RFX6: variants seen among roughly 807,000 people sequenced by gnomAD.
RFX6 encodes regulatory factor X6, also known as DNA-binding protein RFX6.
Under a neutral mutation model 110.8 loss-of-function variants are expected in RFX6, and 50 were observed. That is an observed-to-expected ratio of 0.45 (90% CI 0.36 to 0.57). The LOEUF (loss-of-function observed/expected upper bound fraction) is 0.57, where lower values mean the gene tolerates loss of function less well. RFX6 is among the 20% of genes least tolerant of loss of function. The probability of loss-of-function intolerance (pLI) is 0.00; values close to 1 mark genes in which losing one functional copy is unlikely to be tolerated. For synonymous variants in RFX6, 383 were observed against 411.2 expected (o/e 0.93, Z 0.83); for missense variants, 990 against 1,127.0 (o/e 0.88, Z 1.74).
In RFX6 at chr6:116,920,297, T is replaced by C. The variant is rs1304181570; in HGVS notation, c.1183-13T>C. 6.2e-6 allele frequency: 10 copies of C among 1,605,950 alleles called. No homozygotes were observed. The highest frequency in any genetic ancestry group is 1.7e-4 in the Middle Eastern group (1 of 6,040). On this transcript the variant is annotated splice_polypyrimidine_tract_variant and intron_variant, in intron 11 of 18. Coordinates refer to ENST00000332958, the MANE Select transcript of RFX6 (RefSeq NM_173560.4). ...TGATATAGTGTAGTGTCTTCTTTAC[T>C]TTCTCTATGCAGATTGCCAGACCAG...
At chr6:116,926,677 C>G (rs1192173289) in intron 16 of RFX6, among the ~76,000 whole-genome samples, 1 of 151,970 alleles carries the variant, frequency 6.6e-6, no homozygotes, top group Non-Finnish European at 1.5e-5. Flanking sequence ...TTCTTTTTAC[C>G]CTAAAAATCA....
chr6:116,900,537 G>A (rs1775045562), intron 6 of RFX6, among the ~76,000 whole-genome samples: 1 of 151,996 alleles, frequency 6.6e-6, no homozygotes, highest in South Asian at 2.1e-4. Flanking sequence ...TGACAGGTGT[G>A]AGCCACCGTG....
At chr6:116,909,735 CTTTTTTTTTTTTT>C (rs59264999) in intron 6 of RFX6, among the ~76,000 whole-genome samples, 2 of 67,360 alleles carry the variant, frequency 3.0e-5, no homozygotes, top group East Asian at 5.1e-4. Flanking sequence ...TCATTTAAAT[CTTTTTTTTTTTTT>C]TTTTTTTTTT....
chr6:116,890,000 TGTTA>T (rs965536946), intron 4 of RFX6, among the ~76,000 whole-genome samples: 60 of 152,214 alleles, frequency 3.9e-4, no homozygotes, highest in African/African-American at 1.4e-3. Context: ...TAATAATTCA[TGTTA>T]GTTATCTATG....
rs1582521733 is a variant in RFX6 at position 116,903,286 on chromosome 6, T to G, written c.673-7649T>G. On this transcript the variant is annotated intron_variant, in intron 6 of 18. Coordinates refer to ENST00000332958, the MANE Select transcript of RFX6 (RefSeq NM_173560.4). ...GGGGCCCTTTTGCCCCTTCTTGATG[T>G]TGCACATATTGCTAGCTTTGATTAC... Among the ~76,000 whole-genome samples the G allele has an allele frequency of 2.0e-5, 3 of 152,170 alleles. No homozygotes were observed. In the East Asian group the frequency reaches 5.8e-4, roughly 29 times the overall value.
chr6:116,914,037 A>C (rs1198897551), intron 7 of RFX6, among the ~76,000 whole-genome samples: 2 of 152,164 alleles, frequency 1.3e-5, no homozygotes, highest in African/African-American at 2.4e-5. Flanking sequence ...TTCTTCTATC[A>C]AATTGTGTAT....
chr6:116,922,377 G>A (rs563580986), intron 13 of RFX6, among the ~76,000 whole-genome samples: 8 of 152,198 alleles, frequency 5.3e-5, no homozygotes, highest in South Asian at 2.1e-4. Context: ...CTTTCTTGCC[G>A]AAAGACTACA....
Position 116,915,412 on chromosome 6 carries a change from A to T in RFX6, c.781-596A>T, listed in dbSNP as rs187394845. The stretch of plus-strand genomic sequence containing the variant: ...TTGATTTTCTTAACACCATGTAAGT[A>T]ATATGTTATTACTACCTACTTAAAA... On this transcript the variant is annotated intron_variant, in intron 7 of 18. Coordinates refer to ENST00000332958, the MANE Select transcript of RFX6 (RefSeq NM_173560.4). 2.7e-3 allele frequency among the ~76,000 whole-genome samples: 405 copies of T among 152,244 alleles called. 2 individuals are homozygous for T. Among genetic ancestry groups the T allele is most frequent in the African/African-American group, 9.2e-3 (381 of 41,556 alleles).
At chr6:116,883,537 A>C (rs1257007587) in intron 4 of RFX6, among the ~76,000 whole-genome samples, 2 of 152,218 alleles carry the variant, frequency 1.3e-5, no homozygotes, top group Non-Finnish European at 2.9e-5. Flanking sequence ...AATCCAATTT[A>C]TCCAAAACAT....
intron 6 of RFX6, among the ~76,000 whole-genome samples, chr6:116,899,185 C>T (rs1397922953): frequency 6.6e-6 from 1 of 151,836 alleles, no homozygotes; most frequent in African/African-American, 2.4e-5. Context: ...AAAAAAAATA[C>T]AGGCATAAAA....
chr6:116,897,045 T>C (rs1774963336), intron 6 of RFX6, among the ~76,000 whole-genome samples: 1 of 152,136 alleles, frequency 6.6e-6, no homozygotes, highest in African/African-American at 2.4e-5. Context: ...GAACAAGTAA[T>C]TATAAGAAAT....
At chr6:116,895,875 T>C (rs976286420) in intron 6 of RFX6, among the ~76,000 whole-genome samples, 1 of 152,164 alleles carries the variant, frequency 6.6e-6, no homozygotes, top group East Asian at 1.9e-4. Flanking sequence ...GTGTAGTAAA[T>C]CTGGACCTGA....
At position 116,887,676 on chromosome 6, in the gene RFX6, C is replaced by T. The variant is rs554308692; in HGVS notation, c.566+5248C>T. Among the ~76,000 whole-genome samples, 10 of 152,252 alleles carry T rather than the reference C, an allele frequency of 6.6e-5. No individual in the cohort carries two copies. In the South Asian group the frequency reaches 1.9e-3, roughly 28 times the overall value. ...AGAATAATCAGTCCATTCCTACTGACATGGATGTACAAAGCGTGATGCTAA... is the reference window on the plus strand; with the variant it reads ...AGAATAATCAGTCCATTCCTACTGATATGGATGTACAAAGCGTGATGCTAA... On this transcript the variant is annotated intron_variant, in intron 4 of 18. Transcript: ENST00000332958.
intron 6 of RFX6, among the ~76,000 whole-genome samples, chr6:116,910,202 TC>T (rs886891826): frequency 2.6e-4 from 40 of 152,288 alleles, no homozygotes; most frequent in Middle Eastern, 3.4e-3. Context: ...GGAGGAACAA[TC>T]AGTTATGGCC....
At chr6:116,881,335 A>G (rs1774586263) in intron 3 of RFX6, among the ~76,000 whole-genome samples, 1 of 152,028 alleles carries the variant, frequency 6.6e-6, no homozygotes, top group Non-Finnish European at 1.5e-5. Flanking sequence ...AGAACCTAGG[A>G]TATCCCAGAA....
intron 15 of RFX6, 124 bp downstream of exon 15, chr6:116,924,915 T>C (rs1368903500): frequency 2.8e-6 from 2 of 723,716 alleles, no homozygotes; most frequent in Non-Finnish European, 2.4e-6. Context: ...AACATGTCAT[T>C]ACTAATTCTC....
chr6:116,919,313 G>T lies in RFX6; in HGVS notation c.1182+17G>T, dbSNP rs757443771. 1.2e-6 allele frequency: 2 copies of T among 1,608,672 alleles called. No homozygotes were observed. The highest frequency in any genetic ancestry group is 1.7e-6 in the Non-Finnish European group (2 of 1,175,228). ...CTTGCCCAGGTATGTTGGTTGCTAAGTCGAGAGCATTTGAGTCACCATATA... is the reference window on the plus strand; with the variant it reads ...CTTGCCCAGGTATGTTGGTTGCTAATTCGAGAGCATTTGAGTCACCATATA... On this transcript the variant is annotated intron_variant, in intron 11 of 18. Transcript: ENST00000332958.
chr6:116,916,156 A>G, intron 8 of RFX6, 45 bp from the exon 9 acceptor site: 1 of 1,559,018 alleles, frequency 6.4e-7, no homozygotes, highest in Non-Finnish European at 8.8e-7. Flanking sequence ...TAATGAGTTC[A>G]TGTTAAAGAA....
chr6:116,920,751 A>G (rs1156526099), intron 12 of RFX6, among the ~76,000 whole-genome samples: 6 of 152,186 alleles, frequency 3.9e-5, no homozygotes, highest in Admixed American at 3.9e-4. Context: ...AAATAGTTAT[A>G]ATTACTCACC....
Sources: allele counts gnomAD v4.1 joint callset (sites outside exome capture counted in the v4.1 genomes callset), GRCh38; gene constraint gnomAD v4.1.1; transcripts MANE v1.5; gene names NCBI Gene and HGNC (gene_info 2026-07-23, HGNC 2026-07-21).